PCED1B: variants seen among roughly 807,000 people sequenced by gnomAD.
PCED1B encodes PC-esterase domain-containing protein 1B.
For synonymous variants in PCED1B, 251 were observed against 246.1 expected, an observed-to-expected ratio of 1.02 and a Z score of -0.19; for missense variants, 573 against 573.9, an observed-to-expected ratio of 1.00 and a Z score of 0.02.
chr12:47,228,313 C>T (rs1408980025), intron 3 of PCED1B, among the ~76,000 whole-genome samples: 1 of 152,032 alleles, frequency 6.6e-6, no homozygotes, highest in Non-Finnish European at 1.5e-5. Flanking sequence ...CAGGCATGAT[C>T]CACCGTGCCC....
chr12:47,089,497 T>C (rs1239797952), intron 1 of PCED1B, among the ~76,000 whole-genome samples: 2 of 128,012 alleles, frequency 1.6e-5, no homozygotes. Flanking sequence ...TATATATGTA[T>C]ATACCAAAAA....
intron 2 of PCED1B, among the ~76,000 whole-genome samples, chr12:47,108,686 C>A (rs928182757): frequency 2.0e-5 from 3 of 152,138 alleles, no homozygotes; most frequent in Non-Finnish European, 4.4e-5. Context: ...TAGAATCAGT[C>A]CAAGGCCAGC....
intron 3 of PCED1B, among the ~76,000 whole-genome samples, chr12:47,221,659 C>G (rs1049057437): frequency 6.6e-6 from 1 of 152,198 alleles, no homozygotes; most frequent in South Asian, 2.1e-4. Flanking sequence ...TACAGCAGCT[C>G]TCTGAAATTG....
intron 2 of PCED1B, among the ~76,000 whole-genome samples, chr12:47,161,595 C>T (rs58266896): frequency 0.015 from 2,296 of 152,156 alleles, 62 homozygotes; most frequent in African/African-American, 0.053. Flanking sequence ...ATGGCAATCA[C>T]GAAAAAGTCA....
At chr12:47,120,712 G>C (rs1016758939) in intron 2 of PCED1B, among the ~76,000 whole-genome samples, 2 of 152,164 alleles carry the variant, frequency 1.3e-5, no homozygotes, top group Non-Finnish European at 2.9e-5. Context: ...TGAGGCAGGA[G>C]AATCACTTGA....
At chr12:47,209,427 CG>C (rs1943011383) in intron 2 of PCED1B, 1 of 152,048 alleles carries the variant, frequency 6.6e-6, no homozygotes, top group Non-Finnish European at 1.5e-5. Context: ...CGGAGTTTGC[CG>C]TGAGCCAAGA....
chr12:47,223,823 CT>C (rs1263024902), intron 3 of PCED1B: 1 of 152,226 alleles, frequency 6.6e-6, no homozygotes, highest in Non-Finnish European at 1.5e-5. Flanking sequence ...GAGGGGCCTA[CT>C]GTCTGGCAGG....
At chr12:47,189,904 C>G (rs958047215) in intron 2 of PCED1B, among the ~76,000 whole-genome samples, 9 of 152,146 alleles carry the variant, frequency 5.9e-5, no homozygotes, top group Admixed American at 2.0e-4. Flanking sequence ...TTCTGCTGCT[C>G]CAGGCTTGGG....
Position 47,236,312 on chromosome 12 carries a change from C to T in PCED1B, c.1249C>T (p.Arg417Ter). 5.0e-6 allele frequency: 8 copies of T among 1,612,890 alleles called. No individual in the cohort carries two copies. Among genetic ancestry groups the T allele is most frequent in the African/African-American group, 1.3e-5 (1 of 75,018 alleles). The change falls in exon 4 of 4, where the codon CGA becomes TGA. Residue 417 changes from arginine (R) to a stop codon, truncating the protein, a stop_gained. Transcript: ENST00000546455. LOFTEE classifies it low-confidence loss of function (END_TRUNC). ...CTATACGCCCTGGGGACAGCGGCCT[C>T]GACCTTCAAAGAGAAGGGCCCCAGC... ...GPYTPWGQRP[R>*]PSKRRAPANP...
At chr12:47,212,209 G>T (rs184354144) in intron 2 of PCED1B, among the ~76,000 whole-genome samples, 25 of 152,250 alleles carry the variant, frequency 1.6e-4, no homozygotes, top group African/African-American at 6.0e-4. Context: ...GAGCCCGGAG[G>T]TGGAGGTTTC....
chr12:47,235,471 G>C lies in PCED1B; in HGVS notation c.408G>C (p.Trp136Cys), dbSNP rs974042346. The C allele has an allele frequency of 1.2e-6, 2 of 1,614,010 alleles. No homozygotes were observed. Residue 136 changes from tryptophan (W) to cysteine (C), a missense_variant, in exon 4 of 4, where the codon TGG becomes TGC. By Grantham distance (215) the Trp-to-Cys change is radical. Transcript: ENST00000546455. ...WDISRYGPNSWRSYLENLENL... is the reference protein window; with the variant it reads ...WDISRYGPNSCRSYLENLENL... ...TCTCCAGGTATGGTCCGAACTCCTG[G>C]AGAAGCTACCTGGAGAACCTGGAGA... is the stretch of plus-strand genomic sequence containing the variant.
chr12:47,179,714 A>G (rs1484715502), intron 2 of PCED1B, among the ~76,000 whole-genome samples: 1 of 152,096 alleles, frequency 6.6e-6, no homozygotes, highest in East Asian at 1.9e-4. Context: ...TTATTTATTC[A>G]TCAATCCATT....
At chr12:47,234,437 A>G (rs1392450908) in intron 3 of PCED1B, among the ~76,000 whole-genome samples, 1 of 152,234 alleles carries the variant, frequency 6.6e-6, no homozygotes, top group Non-Finnish European at 1.5e-5. Flanking sequence ...CCATAATCCT[A>G]TTCTATGAAG....
At chr12:47,192,173 G>C (rs73110231) in intron 2 of PCED1B, among the ~76,000 whole-genome samples, 3 of 124,946 alleles carry the variant, frequency 2.4e-5, no homozygotes, top group Non-Finnish European at 3.5e-5. Flanking sequence ...TTTTTTTTTT[G>C]TTTTTTTTTT....
At chr12:47,228,247 G>A (rs143946381) in intron 3 of PCED1B, among the ~76,000 whole-genome samples, 128 of 152,116 alleles carry the variant, frequency 8.4e-4, no homozygotes, top group African/African-American at 2.1e-3. Context: ...AGTTGCCCAG[G>A]CTGGTCCTGA....
Position 47,107,386 on chromosome 12 carries a change from G to C in PCED1B, c.-526+3191G>C, listed in dbSNP as rs115825159. ...TAAACTCTGCCATAGGAGGAGGAAG[G>C]CTTCTCTCTTGTTCTCCATGGGACA... On this transcript the variant is annotated intron_variant, in intron 2 of 3. Coordinates refer to ENST00000546455, the MANE Select transcript of PCED1B (RefSeq NM_138371.3). Among the ~76,000 whole-genome samples the C allele has an allele frequency of 6.9e-3, 1,048 of 152,340 alleles. 16 individuals are homozygous for C. Among genetic ancestry groups the C allele is most frequent in the African/African-American group, 0.024 (1,010 of 41,578 alleles).
Position 47,236,208 on chromosome 12 carries a change from C to T in PCED1B, c.1145C>T (p.Pro382Leu), listed in dbSNP as rs771406055. ...ATGGTTGGTCCTCAGCTGCCTATGC[C>T]CTTCTTCCCCACACCCCGTTATCAG... Reference protein sequence around the residue: ...NFMVGPQLPMPFFPTPRYQRP... With the variant: ...NFMVGPQLPMLFFPTPRYQRP... The change falls in exon 4 of 4, where the codon CCC (proline) becomes CTC (leucine). Residue 382 changes from proline to leucine, a missense_variant. Transcript: ENST00000546455. 3 of 1,614,008 alleles carry T rather than the reference C, an allele frequency of 1.9e-6. No individual in the cohort carries two copies. The highest frequency in any genetic ancestry group is 2.5e-6 in the Non-Finnish European group (3 of 1,180,034).
intron 2 of PCED1B, among the ~76,000 whole-genome samples, chr12:47,106,204 T>G (rs1211020097): frequency 1.3e-5 from 2 of 152,134 alleles, no homozygotes; most frequent in Non-Finnish European, 2.9e-5. Context: ...TATTTATTTT[T>G]CAAAATACAC....
At chr12:47,167,460 C>T (rs1941580975) in intron 2 of PCED1B, among the ~76,000 whole-genome samples, 1 of 152,058 alleles carries the variant, frequency 6.6e-6, no homozygotes, top group Non-Finnish European at 1.5e-5. Flanking sequence ...GTGTCACCTA[C>T]CTGTGATTGG....
Sources: allele counts gnomAD v4.1 joint callset (sites outside exome capture counted in the v4.1 genomes callset), GRCh38; gene constraint gnomAD v4.1.1; transcripts MANE v1.5; gene names NCBI Gene and HGNC (gene_info 2026-07-23, HGNC 2026-07-21).